Variants in ZDHHC23 observed in about 807,000 individuals in gnomAD.
The protein encoded by ZDHHC23 is zDHHC palmitoyltransferase 23, also known as palmitoyltransferase ZDHHC23.
ZDHHC23 carries 41 observed loss-of-function variants against 40.2 expected under a neutral mutation model. The ratio of observed to expected loss-of-function variants is 1.02; its 90% CI spans 0.79 to 1.32. The LOEUF (loss-of-function observed/expected upper bound fraction) is 1.32. Among genes scored for constraint, ZDHHC23 ranks in the 40% most tolerant of loss-of-function variants. The pLI, the probability that ZDHHC23 is intolerant of heterozygous loss-of-function variation, is 0.00. For missense variants in ZDHHC23, 471 were observed against 541.5 expected, an observed-to-expected ratio of 0.87 and a Z score of 1.29; for synonymous variants, 204 against 210.2, an observed-to-expected ratio of 0.97 and a Z score of 0.26.
rs567721469 is a variant in ZDHHC23 at position 113,953,044 on chromosome 3, G to A, written c.162-656G>A. Among the ~76,000 whole-genome samples, 3 of 152,336 alleles carry A rather than the reference G, an allele frequency of 2.0e-5. No individual in the cohort carries two copies. The South Asian group carries it at 6.2e-4, about 32-fold the overall frequency. The stretch of plus-strand genomic sequence containing the variant: ...CAACCAATATCATTCCATTCACCAA[G>A]TTCAGTGATTTGACTCATACTAGTT... On this transcript the variant is annotated intron_variant, in intron 2 of 4. Coordinates refer to ENST00000638807, the MANE Select transcript of ZDHHC23 (RefSeq NM_001320466.2).
downstream of ZDHHC23, among the ~76,000 whole-genome samples, chr3:113,969,786 C>T (rs1001760348): frequency 2.0e-5 from 3 of 152,088 alleles, no homozygotes; most frequent in African/African-American, 4.8e-5. Flanking sequence ...TAGTGTGATA[C>T]CTAGAGCTTT....
Position 113,961,921 on chromosome 3 carries a change from A to G in ZDHHC23, c.*3291A>G, listed in dbSNP as rs1237217781. 1 of 152,638 alleles carries G rather than the reference A, an allele frequency of 6.6e-6. No individual in the cohort carries two copies. The highest frequency in any genetic ancestry group is 1.5e-5 in the Non-Finnish European group (1 of 68,044). The allele number at this position is 152,638 out of a possible 1,614,324, so 9.5% of individuals were successfully genotyped here. ...CAACTAGTATAAGCAAAAATATAAC[A>G]TCTAGAAGCACAGTTTTAGCCAGGA... On this transcript the variant is annotated 3_prime_UTR_variant, in exon 5 of 5. Transcript: ENST00000638807.
chr3:113,960,739 C>A lies in ZDHHC23; in HGVS notation c.*2109C>A. The A allele has an allele frequency of 6.4e-7, 1 of 1,573,704 alleles. No homozygotes were observed. Among genetic ancestry groups the A allele is most frequent in the Non-Finnish European group, 8.6e-7 (1 of 1,165,688 alleles). On this transcript the variant is annotated 3_prime_UTR_variant, in exon 5 of 5. Coordinates refer to ENST00000638807, the MANE Select transcript of ZDHHC23 (RefSeq NM_001320466.2). ...TAATAGGGTTACTTGGATGAGCCAA[C>A]TCCGCTTCCTTCCCATGGATAGGAA...
At chr3:113,953,578 G>A (rs1300372804) in intron 2 of ZDHHC23, 122 bp from the exon 3 acceptor site, 1 of 817,324 alleles carries the variant, frequency 1.2e-6, no homozygotes, top group Non-Finnish European at 1.9e-6. Context: ...TAGTAAGGAA[G>A]TAAAATGCTT....
rs1939616914 is a variant in ZDHHC23 at position 113,960,660 on chromosome 3, A to G, written c.*2030A>G. On this transcript the variant is annotated 3_prime_UTR_variant, in exon 5 of 5. Coordinates refer to ENST00000638807, the MANE Select transcript of ZDHHC23 (RefSeq NM_001320466.2). Reference sequence around the variant, plus strand: ...TGAAGATAAGTAGTACAAAGAGACCAAAATAATTTGGGAGAATTAGGAATG... The same window carrying G: ...TGAAGATAAGTAGTACAAAGAGACCGAAATAATTTGGGAGAATTAGGAATG... 6 of 1,607,088 alleles carry G rather than the reference A, an allele frequency of 3.7e-6. No individual in the cohort carries two copies. The highest frequency in any genetic ancestry group is 5.1e-6 in the Non-Finnish European group (6 of 1,177,746).
At chr3:113,957,040 A>G (rs1046469206) in intron 4 of ZDHHC23, among the ~76,000 whole-genome samples, 1 of 151,756 alleles carries the variant, frequency 6.6e-6, no homozygotes, top group Non-Finnish European at 1.5e-5. Context: ...TTTAATCACC[A>G]CTGATGATTA....
In ZDHHC23 at chr3:113,953,184, C is replaced by T. The variant is rs73856220; in HGVS notation, c.162-516C>T. ...TCCACTGGAAGGCCTTCCTTACTCC[C>T]TCTCTATTCATACACATGCTAGCTG... On this transcript the variant is annotated intron_variant, in intron 2 of 4. Transcript: ENST00000638807. Among the ~76,000 whole-genome samples, 1,105 of 152,254 alleles carry T rather than the reference C, an allele frequency of 7.3e-3. 13 individuals are homozygous for T. The highest frequency in any genetic ancestry group is 0.026 in the African/African-American group (1,068 of 41,536).
chr3:113,960,366 C>T lies in ZDHHC23; in HGVS notation c.*1736C>T. The T allele has an allele frequency of 6.1e-6, 7 of 1,145,396 alleles. No homozygotes were observed. The highest frequency in any genetic ancestry group is 1.7e-5 in the African/African-American group (1 of 59,872). 71.0% of individuals were successfully genotyped at this position (1,145,396 alleles called of 1,614,324 possible). A position where few individuals can be genotyped will look rare whatever the true frequency, so the allele number is the denominator to read the frequency against. On this transcript the variant is annotated 3_prime_UTR_variant, in exon 5 of 5. Coordinates refer to ENST00000638807, the MANE Select transcript of ZDHHC23 (RefSeq NM_001320466.2). ...TCTGGGGTTTGTACAGTGATGCCTT[C>T]TCCCTGGCCCAGAGCTGAATATTCA... is the stretch of plus-strand genomic sequence containing the variant.
At position 113,953,952 on chromosome 3, in the gene ZDHHC23, C is replaced by G. The variant is rs148932231; in HGVS notation, c.414C>G (p.Thr138=). The change falls in exon 3 of 5, where the codon ACC becomes ACG. Residue 138 remains threonine, a synonymous_variant. Coordinates refer to ENST00000638807, the MANE Select transcript of ZDHHC23 (RefSeq NM_001320466.2). ...TCACTCACAGAAGGAAAGAACAGAC[C>G]CTGTTTTTCCTGAGCCTTGGACTGT... ...YYLTHRRKEQ[T]LFFLSLGLFS... The G allele has an allele frequency of 1.4e-4, 220 of 1,614,082 alleles. No individual in the cohort carries two copies. The African/African-American group carries it at 2.7e-3, about 19-fold the overall frequency.
downstream of ZDHHC23, chr3:113,964,896 A>G (rs1939955400): frequency 3.6e-6 from 1 of 274,226 alleles, no homozygotes; most frequent in East Asian, 6.3e-5. Context: ...CTATGCTAAA[A>G]ATATATAGGA....
chr3:113,978,147 A>C, the ZDHHC23 span: 1 of 1,608,472 alleles, frequency 6.2e-7, no homozygotes, highest in South Asian at 1.1e-5. Context: ...AGCAATTGTG[A>C]AGTCAGAGAG....
chr3:113,968,657 G>A (rs1940479227), downstream of ZDHHC23, among the ~76,000 whole-genome samples: 1 of 145,692 alleles, frequency 6.9e-6, no homozygotes, highest in Non-Finnish European at 1.5e-5. Flanking sequence ...ATGGGGTTTT[G>A]CCATGTTGCC....
intron 2 of ZDHHC23, among the ~76,000 whole-genome samples, chr3:113,952,893 C>T (rs760218616): frequency 6.6e-6 from 1 of 152,212 alleles, no homozygotes; most frequent in Non-Finnish European, 1.5e-5. Flanking sequence ...GCTCTGCTCT[C>T]ATGACCTAAT....
chr3:113,951,441 C>T (rs1241526651), intron 2 of ZDHHC23, among the ~76,000 whole-genome samples: 1 of 152,198 alleles, frequency 6.6e-6, no homozygotes, highest in Non-Finnish European at 1.5e-5. Context: ...CCACCTATGC[C>T]CTTCAGAGGG....
intron 4 of ZDHHC23, among the ~76,000 whole-genome samples, chr3:113,958,034 C>T (rs1327434416): frequency 6.6e-6 from 1 of 152,006 alleles, no homozygotes; most frequent in Non-Finnish European, 1.5e-5. Context: ...ATGTAATTTA[C>T]GAATTACTTG....
intron 2 of ZDHHC23, among the ~76,000 whole-genome samples, chr3:113,951,294 C>T (rs944006557): frequency 2.6e-5 from 4 of 152,182 alleles, no homozygotes; most frequent in African/African-American, 9.7e-5. Context: ...GGCCCCACCC[C>T]TGTGGCAGTC....
intron 2 of ZDHHC23, among the ~76,000 whole-genome samples, chr3:113,951,520 T>G (rs1196679932): frequency 6.6e-6 from 1 of 152,120 alleles, no homozygotes; most frequent in East Asian, 1.9e-4. Context: ...TGCACCAGAA[T>G]GTAGGGAGCA....
At position 113,962,988 on chromosome 3, in the gene ZDHHC23, G is replaced by A. The variant is rs1184731617; in HGVS notation, c.*4358G>A. On this transcript the variant is annotated 3_prime_UTR_variant, in exon 5 of 5. Coordinates refer to ENST00000638807, the MANE Select transcript of ZDHHC23 (RefSeq NM_001320466.2). The stretch of plus-strand genomic sequence containing the variant: ...AGTGCTTTCTTTAAGGAAAATAGCT[G>A]GTGTTTCTTGGAGTGTCTCCTGAAG... 1 of 152,072 alleles carries A rather than the reference G, an allele frequency of 6.6e-6. No homozygotes were observed. Among genetic ancestry groups the A allele is most frequent in the African/African-American group, 2.4e-5 (1 of 41,388 alleles). The allele number at this position is 152,072 out of a possible 1,614,324, so 9.4% of individuals were successfully genotyped here.
the ZDHHC23 span, among the ~76,000 whole-genome samples, chr3:113,971,721 T>C: frequency 6.7e-6 from 1 of 149,944 alleles, no homozygotes. Context: ...TCCTCTTCAG[T>C]TTTTTTTTGA....
Sources: gnomAD v4.1 joint callset for allele counts (sites outside exome capture counted in the v4.1 genomes callset) on GRCh38, gnomAD v4.1.1 for gene constraint, MANE v1.5 for transcripts, NCBI Gene and HGNC (gene_info 2026-07-23, HGNC 2026-07-21) for gene names.